The following MTCL1 variants were observed in gnomAD, a reference collection of about 807,000 sequenced individuals.
MTCL1 encodes microtubule crosslinking factor 1, also known as microtubule cross-linking factor 1.
Under a neutral mutation model 141.4 loss-of-function variants are expected in MTCL1, and 79 were observed. The observed-to-expected ratio is 0.56, with a 90% CI of 0.47 to 0.67. The LOEUF (loss-of-function observed/expected upper bound fraction) is 0.67, where lower values mean the gene tolerates loss of function less well. Among genes scored for constraint, MTCL1 ranks in the 30% least tolerant of loss-of-function variants. The probability of loss-of-function intolerance (pLI) is 0.00; values close to 1 mark genes in which losing one functional copy is unlikely to be tolerated. For synonymous variants in MTCL1, 914 were observed against 875.8 expected, an observed-to-expected ratio of 1.04 and a Z score of -0.77; for missense variants, 2,177 against 2,113.9, an observed-to-expected ratio of 1.03 and a Z score of -0.59.
chr18:8,819,599 CT>C (rs2076774942), intron 13 of MTCL1, among the ~76,000 whole-genome samples: 1 of 151,994 alleles, frequency 6.6e-6, no homozygotes, highest in Non-Finnish European at 1.5e-5. Context: ...TCAACTTTTT[CT>C]TTTTTCTTTT....
chr18:8,810,211 GA>G lies in MTCL1; in HGVS notation c.2605-2766del. The stretch of plus-strand genomic sequence containing the variant: ...CAGTTGCCGTCAGGTGTGCGGGGCT[GA>G]AGGACTGTGCGCTGTGCCGAGGGAC... On this transcript the variant is annotated intron_variant, in intron 11 of 16. Coordinates refer to ENST00000359865, the Ensembl canonical transcript of MTCL1. The surrounding 1 kb of genome is among the most constrained non-coding windows in gnomAD (Gnocchi z 5.0). 1 of 153,136 alleles carries G rather than the reference GA, an allele frequency of 6.5e-6. No homozygotes were observed. The highest frequency in any genetic ancestry group is 1.5e-5 in the Non-Finnish European group (1 of 68,612). 9.5% of individuals were successfully genotyped at this position (153,136 alleles called of 1,614,324 possible).
intron 4 of MTCL1, among the ~76,000 whole-genome samples, chr18:8,744,202 C>T (rs1280464647): frequency 6.6e-6 from 1 of 152,254 alleles, no homozygotes; most frequent in African/African-American, 2.4e-5. Flanking sequence ...CACTGGCACC[C>T]TTTCCGCCGC....
chr18:8,764,478 G>A (rs573912208), intron 4 of MTCL1, among the ~76,000 whole-genome samples: 66 of 152,024 alleles, frequency 4.3e-4, no homozygotes, highest in Middle Eastern at 3.4e-3. Flanking sequence ...CCACACACCC[G>A]GATAATTTTT....
chr18:8,819,257 G>C, exon 13 of MTCL1: 2 of 1,613,880 alleles, frequency 1.2e-6, no homozygotes, highest in Non-Finnish European at 1.7e-6. Flanking sequence ...CCGCCTCCCT[G>C]AGGTCAGCCA....
At chr18:8,733,475 G>T (rs2096261406) in intron 4 of MTCL1, among the ~76,000 whole-genome samples, 1 of 152,116 alleles carries the variant, frequency 6.6e-6, no homozygotes, top group Non-Finnish European at 1.5e-5. Context: ...GCGTGATCTT[G>T]CCTCACTGCA....
chr18:8,718,317 C>A, intron 2 of MTCL1, 107 bp from the exon 2 acceptor site: 3 of 1,103,810 alleles, frequency 2.7e-6, no homozygotes, highest in Non-Finnish European at 4.0e-6. Flanking sequence ...GATGGGTAAG[C>A]GTGTAGGTAT....
exon 14 of MTCL1, chr18:8,821,488 A>T: frequency 7.0e-7 from 1 of 1,424,554 alleles, no homozygotes; most frequent in Non-Finnish European, 9.8e-7. Context: ...TCACAAAGGA[A>T]ATCTTCAAAG....
intron 11 of MTCL1, chr18:8,809,842 G>A: frequency 2.1e-6 from 1 of 480,506 alleles, no homozygotes; most frequent in Non-Finnish European, 3.8e-6. Flanking sequence ...GACTTGAAAA[G>A]GGCTGGGCTG....
At chr18:8,727,077 T>C (rs2096220519) in intron 4 of MTCL1, among the ~76,000 whole-genome samples, 1 of 152,200 alleles carries the variant, frequency 6.6e-6, no homozygotes. Flanking sequence ...TCTGAGTTAT[T>C]TGACTTAGGA....
intron 5 of MTCL1, among the ~76,000 whole-genome samples, chr18:8,780,134 G>C (rs911364077): frequency 6.6e-6 from 1 of 152,210 alleles, no homozygotes; most frequent in Non-Finnish European, 1.5e-5. Flanking sequence ...ACTTCAACTT[G>C]TTGGGGAAGA....
intron 4 of MTCL1, among the ~76,000 whole-genome samples, chr18:8,775,329 A>C (rs933004007): frequency 2.6e-5 from 4 of 150,954 alleles, no homozygotes; most frequent in Admixed American, 2.0e-4. Context: ...CCAGCACTTT[A>C]GGAGGCTGAG....
chr18:8,716,411 A>G (rs77362365), upstream of MTCL1, among the ~76,000 whole-genome samples: 437 of 152,286 alleles, frequency 2.9e-3, 7 homozygotes, highest in East Asian at 0.04. Context: ...CCTTTCCAGT[A>G]GACCATTGTG....
chr18:8,780,736 C>A (rs1168104338), intron 5 of MTCL1, among the ~76,000 whole-genome samples: 1 of 152,212 alleles, frequency 6.6e-6, no homozygotes, highest in African/African-American at 2.4e-5. Flanking sequence ...GGATTTCTTA[C>A]AAATCTGTGT....
chr18:8,772,556 C>T (rs115375688), intron 4 of MTCL1, among the ~76,000 whole-genome samples: 98 of 151,366 alleles, frequency 6.5e-4, no homozygotes, highest in African/African-American at 2.3e-3. Context: ...TGTACTGCTC[C>T]AGGCCACTTT....
chr18:8,793,507 ACCATTG>A (rs1261251685), intron 8 of MTCL1, among the ~76,000 whole-genome samples: 1 of 152,050 alleles, frequency 6.6e-6, no homozygotes, highest in Non-Finnish European at 1.5e-5. Flanking sequence ...CTCACCCTAA[ACCATTG>A]CCTTCGGAAA....
chr18:8,803,967 A>G (rs2076209044), intron 10 of MTCL1, among the ~76,000 whole-genome samples: 1 of 152,232 alleles, frequency 6.6e-6, no homozygotes, highest in African/African-American at 2.4e-5. Flanking sequence ...ATAGAAAACC[A>G]TCGATTACAT....
intron 4 of MTCL1, among the ~76,000 whole-genome samples, chr18:8,768,790 T>TC (rs1491427996): frequency 4.5e-4 from 32 of 71,260 alleles, no homozygotes; most frequent in African/African-American, 2.0e-3. Flanking sequence ...TTTTCTTCTC[T>TC]TTTTTTTTTT....
At chr18:8,774,401 A>C (rs919176129) in intron 4 of MTCL1, among the ~76,000 whole-genome samples, 1 of 152,088 alleles carries the variant, frequency 6.6e-6, no homozygotes, top group African/African-American at 2.4e-5. Flanking sequence ...GCTGATCTTC[A>C]ATGTTCTATG....
intron 4 of MTCL1, among the ~76,000 whole-genome samples, chr18:8,742,472 A>G (rs192802864): frequency 1.3e-5 from 2 of 152,354 alleles, no homozygotes; most frequent in East Asian, 1.9e-4. Context: ...CCTTCTTCAC[A>G]TGGTGGCAGG....
Sources: allele counts gnomAD v4.1 joint callset (sites outside exome capture counted in the v4.1 genomes callset), GRCh38; gene constraint gnomAD v4.1.1; non-coding constraint Gnocchi (gnomAD v3.1); transcripts MANE v1.5; gene names NCBI Gene and HGNC (gene_info 2026-07-23, HGNC 2026-07-21).